Variants in ZNF362 observed in about 807,000 individuals in gnomAD.
ZNF362 encodes rotund homolog.
A neutral mutation model predicts 42.9 loss-of-function variants in ZNF362; 11 were observed. The observed-to-expected ratio is 0.26, with a 90% CI of 0.16 to 0.42. The LOEUF (loss-of-function observed/expected upper bound fraction) is 0.42. Among genes scored for constraint, ZNF362 ranks in the 20% least tolerant of loss-of-function variants. The pLI, the probability that ZNF362 is intolerant of heterozygous loss-of-function variation, is 1.00. For missense variants in ZNF362, 362 were observed against 576.2 expected (o/e 0.63, Z 3.81); for synonymous variants, 255 against 257.3 (o/e 0.99, Z 0.09).
chr1:33,242,076 G>A, the ZNF362 span, among the ~76,000 whole-genome samples: 1 of 152,186 alleles, frequency 6.6e-6, no homozygotes, highest in Non-Finnish European at 1.5e-5. Context: ...AAGGCGATGA[G>A]GAGGCTGTGG....
the ZNF362 span, among the ~76,000 whole-genome samples, chr1:33,236,320 G>A: frequency 2.0e-5 from 3 of 150,740 alleles, no homozygotes; most frequent in African/African-American, 7.3e-5. Context: ...TGGGAAGATC[G>A]GTTGAGGCCA....
chr1:33,212,225 A>G, the ZNF362 span, among the ~76,000 whole-genome samples: 1 of 152,160 alleles, frequency 6.6e-6, no homozygotes, highest in Non-Finnish European at 1.5e-5. Context: ...GCCTCCCCAG[A>G]AGCAGATGCA....
chr1:33,147,494 C>T, the ZNF362 span: 1 of 1,613,246 alleles, frequency 6.2e-7, no homozygotes, highest in Non-Finnish European at 8.5e-7. The surrounding 1 kb of genome is among the most constrained non-coding windows in gnomAD (Gnocchi z 8.1). Flanking sequence ...CGGCTTGCGG[C>T]TTCGTGTGCC....
the ZNF362 span, among the ~76,000 whole-genome samples, chr1:33,145,227 C>T: frequency 1.3e-5 from 2 of 152,184 alleles, no homozygotes; most frequent in Non-Finnish European, 2.9e-5. Flanking sequence ...GGATATGGGA[C>T]CCCAGGTAAG....
chr1:33,189,671 A>G, the ZNF362 span, among the ~76,000 whole-genome samples: 13 of 105,046 alleles, frequency 1.2e-4, no homozygotes, highest in African/African-American at 4.4e-4. Flanking sequence ...ATATATATAT[A>G]TGTATATATA....
At chr1:33,207,109 C>G in the ZNF362 span, among the ~76,000 whole-genome samples, 1 of 151,190 alleles carries the variant, frequency 6.6e-6, no homozygotes, top group Non-Finnish European at 1.5e-5. Flanking sequence ...CAGCCCCCCA[C>G]TCCCCAACAG....
chr1:33,215,090 A>G, the ZNF362 span, among the ~76,000 whole-genome samples: 1 of 152,240 alleles, frequency 6.6e-6, no homozygotes. Flanking sequence ...TTTGGAATCA[A>G]TCTAAGTGTC....
chr1:33,255,983 C>A (rs1365837364), upstream of ZNF362, among the ~76,000 whole-genome samples: 1 of 151,636 alleles, frequency 6.6e-6, no homozygotes, highest in Non-Finnish European at 1.5e-5. Flanking sequence ...GCCGCCGGGC[C>A]TGGGCAGGAC....
At chr1:33,267,492 AT>A (rs1339999309) in intron 1 of ZNF362, among the ~76,000 whole-genome samples, 2 of 152,110 alleles carry the variant, frequency 1.3e-5, no homozygotes, top group African/African-American at 4.8e-5. Flanking sequence ...TATCACAAGT[AT>A]TTTTTTAAAT....
the ZNF362 span, among the ~76,000 whole-genome samples, chr1:33,168,746 C>T: frequency 6.6e-6 from 1 of 152,186 alleles, no homozygotes; most frequent in Non-Finnish European, 1.5e-5. Flanking sequence ...TCCTCAGGTG[C>T]CTCTGACAGC....
At chr1:33,216,473 G>A in the ZNF362 span, among the ~76,000 whole-genome samples, 11 of 141,280 alleles carry the variant, frequency 7.8e-5, no homozygotes, top group East Asian at 8.4e-4. Flanking sequence ...GGTGGCAGGC[G>A]CCTGTAATCC....
At chr1:33,211,548 A>T in the ZNF362 span, among the ~76,000 whole-genome samples, 2 of 152,130 alleles carry the variant, frequency 1.3e-5, no homozygotes, top group African/African-American at 2.4e-5. Flanking sequence ...TTTCTTTAAG[A>T]ATGTTGAATA....
chr1:33,151,725 C>T, the ZNF362 span, among the ~76,000 whole-genome samples: 3 of 152,180 alleles, frequency 2.0e-5, no homozygotes, highest in Non-Finnish European at 4.4e-5. Flanking sequence ...GTGTGTTGTC[C>T]ATTCATTTAA....
At chr1:33,133,507 C>T in the ZNF362 span, among the ~76,000 whole-genome samples, 3 of 152,178 alleles carry the variant, frequency 2.0e-5, no homozygotes, top group African/African-American at 4.8e-5. Context: ...CTGGGACCAC[C>T]GGCGGCACGT....
the ZNF362 span, among the ~76,000 whole-genome samples, chr1:33,152,143 CA>C: frequency 1.3e-5 from 2 of 152,198 alleles, no homozygotes; most frequent in African/African-American, 4.8e-5. Context: ...ACTGAGGCTC[CA>C]AGGAGACAAC....
At chr1:33,182,405 A>G in the ZNF362 span, among the ~76,000 whole-genome samples, 10 of 152,272 alleles carry the variant, frequency 6.6e-5, 1 homozygote, top group East Asian at 1.9e-3. Context: ...CAACTTCTGC[A>G]TAAAATATAA....
the ZNF362 span, chr1:33,147,427 T>C: frequency 6.2e-7 from 1 of 1,614,070 alleles, no homozygotes; most frequent in Non-Finnish European, 8.5e-7. The surrounding 1 kb of genome is among the most constrained non-coding windows in gnomAD (Gnocchi z 8.1). Flanking sequence ...CTGGTTGCCA[T>C]CGTGCATCAC....
the ZNF362 span, among the ~76,000 whole-genome samples, chr1:33,179,277 C>A: frequency 2.0e-5 from 3 of 152,202 alleles, no homozygotes; most frequent in Non-Finnish European, 1.5e-5. Flanking sequence ...TCTGATGGGG[C>A]CTTCATCCTC....
At chr1:33,188,325 G>A in the ZNF362 span, among the ~76,000 whole-genome samples, 1 of 152,274 alleles carries the variant, frequency 6.6e-6, no homozygotes, top group African/African-American at 2.4e-5. Flanking sequence ...GGTTATTCCA[G>A]CATTTTCTCA....
Sources: allele counts gnomAD v4.1 joint callset (sites outside exome capture counted in the v4.1 genomes callset), GRCh38; gene constraint gnomAD v4.1.1; non-coding constraint Gnocchi (gnomAD v3.1); transcripts MANE v1.5; gene names NCBI Gene and HGNC (gene_info 2026-07-23, HGNC 2026-07-21).